Variants in SNAP91 observed in about 807,000 individuals in gnomAD.
SNAP91 encodes synaptosome associated protein 91, also known as clathrin coat assembly protein AP180.
A neutral mutation model predicts 100.3 loss-of-function variants in SNAP91; 27 were observed. The observed-to-expected ratio is 0.27, with a 90% CI of 0.20 to 0.37. The LOEUF (loss-of-function observed/expected upper bound fraction) is 0.37. SNAP91 is among the 10% of genes least tolerant of loss of function. The pLI is 1.00. For synonymous variants in SNAP91, 404 were observed against 398.6 expected (o/e 1.01, Z -0.16); for missense variants, 986 against 1,123.7 (o/e 0.88, Z 1.75).
chr6:83,638,185 G>T (rs537047782), intron 8 of SNAP91, among the ~76,000 whole-genome samples: 1 of 152,164 alleles, frequency 6.6e-6, no homozygotes, highest in Non-Finnish European at 1.5e-5. Context: ...TGGTGGCTCC[G>T]AGCAGGTTTC....
intron 2 of SNAP91, chr6:83,678,871 C>A (rs1213008174): frequency 4.0e-6 from 5 of 1,240,842 alleles, no homozygotes; most frequent in Non-Finnish European, 5.2e-6. Flanking sequence ...CCAAGGAATA[C>A]AACTTTAGTT....
chr6:83,648,441 TG>T (rs919720129), intron 7 of SNAP91, among the ~76,000 whole-genome samples: 1 of 152,126 alleles, frequency 6.6e-6, no homozygotes, highest in African/African-American at 2.4e-5. Context: ...GTATGGATAC[TG>T]GTTCTTATTT....
intron 8 of SNAP91, among the ~76,000 whole-genome samples, chr6:83,624,950 T>C (rs1023649067): frequency 2.8e-4 from 42 of 152,080 alleles, no homozygotes; most frequent in Admixed American, 2.4e-3. Context: ...AAGGGTACAT[T>C]GTATGATGCT....
At chr6:83,680,502 TGTAGGATA>T in intron 2 of SNAP91, among the ~76,000 whole-genome samples, 1 of 152,182 alleles carries the variant, frequency 6.6e-6, no homozygotes, top group Non-Finnish European at 1.5e-5. Context: ...GCTTCACAAC[TGTAGGATA>T]TTTAGGCAAT....
intron 5 of SNAP91, 70 bp downstream of exon 5, chr6:83,661,432 G>T: frequency 1.1e-6 from 1 of 925,876 alleles, no homozygotes; most frequent in Non-Finnish European, 1.6e-6. Context: ...TTTAAGCTTA[G>T]TTAAAATAAA....
intron 8 of SNAP91, among the ~76,000 whole-genome samples, chr6:83,638,208 CT>C (rs2097541459): frequency 6.6e-6 from 1 of 152,144 alleles, no homozygotes; most frequent in Non-Finnish European, 1.5e-5. Context: ...GGCTTCCTCC[CT>C]CTTCAACTAT....
At chr6:83,690,643 CAA>C (rs1436457397) in intron 2 of SNAP91, among the ~76,000 whole-genome samples, 3 of 152,016 alleles carry the variant, frequency 2.0e-5, no homozygotes, top group African/African-American at 4.8e-5. Context: ...CTTTAGCTCA[CAA>C]GAGAGAGGTA....
chr6:83,638,645 C>G (rs564736379), intron 8 of SNAP91, among the ~76,000 whole-genome samples: 2 of 151,900 alleles, frequency 1.3e-5, no homozygotes, highest in Non-Finnish European at 2.9e-5. Flanking sequence ...ATTATGGATC[C>G]CTAATACTGA....
At chr6:83,655,845 T>G (rs1377509775) in intron 7 of SNAP91, among the ~76,000 whole-genome samples, 3 of 152,142 alleles carry the variant, frequency 2.0e-5, no homozygotes, top group Admixed American at 2.0e-4. Flanking sequence ...TCCCTCAAAT[T>G]ATACCCATGG....
At chr6:83,622,693 C>T (rs557751384) in intron 9 of SNAP91, among the ~76,000 whole-genome samples, 2 of 151,070 alleles carry the variant, frequency 1.3e-5, no homozygotes, top group African/African-American at 4.9e-5. Flanking sequence ...TATTAGGATC[C>T]ATACACAGTA....
chr6:83,608,384 A>G (rs1183235413), intron 12 of SNAP91, among the ~76,000 whole-genome samples: 1 of 152,176 alleles, frequency 6.6e-6, no homozygotes, highest in Admixed American at 6.5e-5. Context: ...CTAAAAAGGT[A>G]AAAATAAAAT....
chr6:83,623,254 GTAA>G (rs759898678), intron 9 of SNAP91, 44 bp downstream of exon 9: 249 of 1,471,072 alleles, frequency 1.7e-4, no homozygotes, highest in Middle Eastern at 3.5e-4. Context: ...AATATATGTT[GTAA>G]TAATCTCATG....
At chr6:83,559,628 A>G (rs996539785) in intron 28 of SNAP91, among the ~76,000 whole-genome samples, 3 of 152,162 alleles carry the variant, frequency 2.0e-5, no homozygotes, top group African/African-American at 7.2e-5. Context: ...GGACTCACAA[A>G]TATGTGTCTT....
intron 8 of SNAP91, among the ~76,000 whole-genome samples, chr6:83,624,071 T>C (rs1302837384): frequency 6.6e-6 from 1 of 152,092 alleles, no homozygotes; most frequent in Non-Finnish European, 1.5e-5. Flanking sequence ...ACACACCATT[T>C]TGCATGTGTA....
chr6:83,614,314 T>C (rs1334811839), intron 11 of SNAP91, among the ~76,000 whole-genome samples: 2 of 152,124 alleles, frequency 1.3e-5, no homozygotes, highest in East Asian at 1.9e-4. Context: ...TAAAGGTATA[T>C]CACAGAGTAT....
intron 7 of SNAP91, among the ~76,000 whole-genome samples, chr6:83,649,570 C>G (rs1010678642): frequency 6.6e-6 from 1 of 151,932 alleles, no homozygotes; most frequent in Non-Finnish European, 1.5e-5. Flanking sequence ...TTAGTTCATA[C>G]CTTTTTTGTT....
intron 26 of SNAP91, among the ~76,000 whole-genome samples, chr6:83,569,339 G>C (rs1183807625): frequency 6.6e-6 from 1 of 151,916 alleles, no homozygotes; most frequent in Admixed American, 6.6e-5. Context: ...AAATTTTTCT[G>C]CTTCATAAAC....
chr6:83,607,629 A>G (rs1466677744), intron 13 of SNAP91, 70 bp downstream of exon 13: 3 of 960,134 alleles, frequency 3.1e-6, no homozygotes, highest in Non-Finnish European at 4.7e-6. Flanking sequence ...ATTTGGGTAC[A>G]GCACATAAAA....
intron 11 of SNAP91, among the ~76,000 whole-genome samples, chr6:83,614,632 T>C (rs1016992395): frequency 5.3e-5 from 8 of 152,264 alleles, no homozygotes; most frequent in Non-Finnish European, 1.2e-4. Context: ...TATATACATC[T>C]AAGAGAGACT....
Sources: gnomAD v4.1 joint callset for allele counts (sites outside exome capture counted in the v4.1 genomes callset) on GRCh38, gnomAD v4.1.1 for gene constraint, MANE v1.5 for transcripts, NCBI Gene and HGNC (gene_info 2026-07-23, HGNC 2026-07-21) for gene names.